Variants in TENM3 observed in about 807,000 individuals in gnomAD.
The protein encoded by TENM3 is teneurin transmembrane protein 3, also known as teneurin-3.
A neutral mutation model predicts 255.1 loss-of-function variants in TENM3; 63 were observed. The ratio of observed to expected loss-of-function variants is 0.25; its 90% confidence interval spans 0.20 to 0.30. The LOEUF is 0.30. TENM3 is among the 10% of genes least tolerant of loss of function. The pLI is 1.00. For synonymous variants in TENM3, 1,306 were observed against 1,322.3 expected (o/e 0.99, Z 0.27); for missense variants, 2,929 against 3,461.1 (o/e 0.85, Z 3.86).
the TENM3 span, among the ~76,000 whole-genome samples, chr4:182,059,647 G>T: frequency 6.7e-6 from 1 of 148,546 alleles, no homozygotes; most frequent in African/African-American, 2.5e-5. Flanking sequence ...AGTGGCTCAT[G>T]CCTGTAATCC....
At chr4:182,370,277 T>G (rs1580324716) in intron 3 of TENM3, among the ~76,000 whole-genome samples, 1 of 152,320 alleles carries the variant, frequency 6.6e-6, no homozygotes, top group East Asian at 1.9e-4. Flanking sequence ...TAACCCAAGT[T>G]TCCGTTGGGT....
At chr4:182,028,654 A>G in the TENM3 span, among the ~76,000 whole-genome samples, 2 of 151,960 alleles carry the variant, frequency 1.3e-5, no homozygotes, top group Non-Finnish European at 2.9e-5. Flanking sequence ...TTCCACTATC[A>G]TTTGTTTCAA....
Position 182,727,464 on chromosome 4 carries a change from A to AAAAAAAAAG in TENM3, c.2369-1501_2369-1500insAAAAAAAAG, listed in dbSNP as rs397996501. 7.9e-5 allele frequency among the ~76,000 whole-genome samples: 12 copies of AAAAAAAAAG among 151,740 alleles called. No individual in the cohort carries two copies. In the East Asian group the frequency reaches 2.3e-3, roughly 29 times the overall value. On this transcript the variant is annotated intron_variant, in intron 13 of 27. Coordinates refer to ENST00000511685, the MANE Select transcript of TENM3 (RefSeq NM_001080477.4). ...GAGGAAGACTCAGTCTCAAAAAAAA[A>AAAAAAAAAG]GAAAGAAAAATTCATGTTTTTCAAC... is the stretch of plus-strand genomic sequence containing the variant.
the TENM3 span, among the ~76,000 whole-genome samples, chr4:181,641,628 G>GTA: frequency 3.5e-4 from 17 of 48,174 alleles, no homozygotes; most frequent in South Asian, 1.7e-3. Flanking sequence ...TATGGTGTGT[G>GTA]TATATATATA....
intron 3 of TENM3, among the ~76,000 whole-genome samples, chr4:182,570,827 GTCAAAAAAAAAAACAAA>G: frequency 1.7e-5 from 2 of 116,908 alleles, no homozygotes; most frequent in South Asian, 5.9e-4. Context: ...GAGACTCTGT[GTCAAAAAAAAAAACAAA>G]ACAAACAAAC....
intron 1 of TENM3, among the ~76,000 whole-genome samples, chr4:182,320,075 T>C (rs1762957398): frequency 6.6e-6 from 1 of 151,392 alleles, no homozygotes; most frequent in South Asian, 2.1e-4. Context: ...ATTGCACCAG[T>C]GCAATCCAGC....
intron 3 of TENM3, among the ~76,000 whole-genome samples, chr4:182,566,284 G>A (rs188969201): frequency 2.0e-5 from 3 of 152,258 alleles, no homozygotes; most frequent in East Asian, 3.9e-4. Flanking sequence ...TGTTTGTGAC[G>A]CGATTTGGTA....
the TENM3 span, among the ~76,000 whole-genome samples, chr4:181,814,317 A>G: frequency 6.6e-6 from 1 of 152,226 alleles, no homozygotes; most frequent in Non-Finnish European, 1.5e-5. Context: ...TACAAAGTTT[A>G]CAAACAAAAA....
At chr4:181,514,149 T>A in the TENM3 span, among the ~76,000 whole-genome samples, 1 of 152,232 alleles carries the variant, frequency 6.6e-6, no homozygotes, top group Non-Finnish European at 1.5e-5. Context: ...TTCAAAAACC[T>A]AATTCAAATG....
At chr4:181,604,207 G>C in the TENM3 span, among the ~76,000 whole-genome samples, 1 of 152,204 alleles carries the variant, frequency 6.6e-6, no homozygotes, top group African/African-American at 2.4e-5. Flanking sequence ...GGAGCTTGCA[G>C]TGAGCCGAGA....
the TENM3 span, among the ~76,000 whole-genome samples, chr4:182,076,131 G>A: frequency 9.2e-5 from 14 of 151,464 alleles, no homozygotes; most frequent in South Asian, 2.1e-4. Flanking sequence ...GGCTGGTCTC[G>A]AACTCGTGGC....
chr4:181,523,289 G>A, the TENM3 span, among the ~76,000 whole-genome samples: 293 of 152,162 alleles, frequency 1.9e-3, 10 homozygotes, highest in East Asian at 0.036. Flanking sequence ...AAATGAGTGC[G>A]TTAAATATGC....
chr4:181,977,422 G>T, the TENM3 span, among the ~76,000 whole-genome samples: 2 of 152,146 alleles, frequency 1.3e-5, no homozygotes, highest in African/African-American at 2.4e-5. Context: ...AGCCCATCCT[G>T]TTTCTAGTGT....
intron 3 of TENM3, among the ~76,000 whole-genome samples, chr4:182,348,080 G>A (rs552886178): frequency 1.3e-5 from 2 of 152,122 alleles, no homozygotes; most frequent in Non-Finnish European, 2.9e-5. Context: ...ATGAAAAAAG[G>A]TCTAATTTAA....
the TENM3 span, among the ~76,000 whole-genome samples, chr4:181,555,465 T>C: frequency 6.6e-6 from 1 of 152,190 alleles, no homozygotes; most frequent in African/African-American, 2.4e-5. Context: ...TTTTAGAAAT[T>C]TGAAATCCAA....
Position 182,680,329 on chromosome 4 carries a change from T to G in TENM3, c.1619T>G (p.Leu540Arg). 1 of 1,612,946 alleles carries G rather than the reference T, an allele frequency of 6.2e-7. No individual in the cohort carries two copies. The highest frequency in any genetic ancestry group is 8.5e-7 in the Non-Finnish European group (1 of 1,179,238). Reference protein sequence around the residue: ...SGTCHCFPGFLGPDCSRAACP... With the variant: ...SGTCHCFPGFRGPDCSRAACP... ...ACTTGCCATTGTTTTCCAGGATTTC[T>G]GGGTCCGGATTGTTCAAGAGGTATG... The change falls in exon 9 of 28, where the codon CTG becomes CGG. Residue 540 changes from leucine to arginine, a missense_variant. Coordinates refer to ENST00000511685, the MANE Select transcript of TENM3 (RefSeq NM_001080477.4).
chr4:182,118,530 C>T, the TENM3 span, among the ~76,000 whole-genome samples: 17 of 152,188 alleles, frequency 1.1e-4, no homozygotes, highest in African/African-American at 3.9e-4. Context: ...TCCCACCCTT[C>T]TTGGCCTCCT....
At chr4:181,639,224 G>C in the TENM3 span, among the ~76,000 whole-genome samples, 19 of 152,104 alleles carry the variant, frequency 1.2e-4, no homozygotes, top group African/African-American at 4.3e-4. Context: ...ATGTAACCAG[G>C]CATAATAACC....
intron 2 of TENM3, among the ~76,000 whole-genome samples, chr4:182,346,112 ATAC>A (rs1764787823): frequency 7.3e-6 from 1 of 136,900 alleles, no homozygotes; most frequent in Non-Finnish European, 1.6e-5. Context: ...TACATACAAA[ATAC>A]TACGTGTTAT....
Sources: gnomAD v4.1 joint callset for allele counts (sites outside exome capture counted in the v4.1 genomes callset) on GRCh38, gnomAD v4.1.1 for gene constraint, MANE v1.5 for transcripts, NCBI Gene and HGNC (gene_info 2026-07-23, HGNC 2026-07-21) for gene names.